GPAM: variants seen among roughly 807,000 people sequenced by gnomAD.
GPAM encodes glycerol-3-phosphate acyltransferase, mitochondrial.
Under a neutral mutation model 105.0 loss-of-function variants are expected in GPAM, and 56 were observed. The observed-to-expected ratio is 0.53, with a 90% CI of 0.43 to 0.67. The LOEUF (loss-of-function observed/expected upper bound fraction) is 0.67. GPAM is among the 30% of genes least tolerant of loss of function. GPAM has a pLI of 0.00. For missense variants in GPAM, 855 were observed against 989.8 expected, an observed-to-expected ratio of 0.86 and a Z score of 1.83; for synonymous variants, 368 against 354.4, an observed-to-expected ratio of 1.04 and a Z score of -0.43.
intron 21 of GPAM, 86 bp from the exon 22 acceptor site, chr10:112,153,752 G>A: frequency 1.3e-6 from 2 of 1,495,782 alleles, no homozygotes; most frequent in Non-Finnish European, 9.0e-7. Flanking sequence ...TGGTGTCCTA[G>A]ACCTCAGAAG....
intron 1 of GPAM, among the ~76,000 whole-genome samples, chr10:112,212,522 C>T (rs563746189): frequency 6.6e-6 from 1 of 152,282 alleles, no homozygotes; most frequent in African/African-American, 2.4e-5. Context: ...ATCGACCTCC[C>T]AAAGTGCGGG....
rs935218310 is a variant in GPAM at position 112,152,480 on chromosome 10, C to T, written c.*1070G>A. 9.1e-6 allele frequency: 9 copies of T among 985,136 alleles called. No homozygotes were observed. Among genetic ancestry groups the T allele is most frequent in the Middle Eastern group, 5.2e-4 (1 of 1,934 alleles). The allele number at this position is 985,136 out of a possible 1,614,324, so 61.0% of individuals were successfully genotyped here. The stretch of plus-strand genomic sequence containing the variant: ...CCATTACCAGTCAGTAGGGCCACCA[C>T]ATGCATATACTGGACAGGTTGTGCA... On this transcript the variant is annotated 3_prime_UTR_variant, in exon 22 of 22. Transcript: ENST00000348367.
chr10:112,202,213 A>G (rs1324166136), intron 1 of GPAM, among the ~76,000 whole-genome samples: 1 of 152,238 alleles, frequency 6.6e-6, no homozygotes, highest in Non-Finnish European at 1.5e-5. Flanking sequence ...ACCCTTTTGT[A>G]GCATAAAAGC....
At chr10:112,181,372 T>C (rs1847504402) in intron 3 of GPAM, among the ~76,000 whole-genome samples, 1 of 152,102 alleles carries the variant, frequency 6.6e-6, no homozygotes, top group Non-Finnish European at 1.5e-5. Flanking sequence ...GTATAACTCA[T>C]GGAAAGTACA....
intron 1 of GPAM, among the ~76,000 whole-genome samples, chr10:112,197,584 C>A (rs926425326): frequency 1.3e-5 from 2 of 149,102 alleles, no homozygotes; most frequent in African/African-American, 5.0e-5. Context: ...TGCGCTGCAC[C>A]CACTAACTCA....
At chr10:112,209,494 C>A (rs1281809294) in intron 1 of GPAM, among the ~76,000 whole-genome samples, 2 of 152,022 alleles carry the variant, frequency 1.3e-5, no homozygotes, top group African/African-American at 4.8e-5. Flanking sequence ...GCTGCCCCAT[C>A]CCTGGGGGAC....
intron 6 of GPAM, 32 bp from the exon 7 acceptor site, chr10:112,173,877 A>T: frequency 2.6e-6 from 4 of 1,553,534 alleles, no homozygotes; most frequent in Non-Finnish European, 3.6e-6. Flanking sequence ...AGACAATGTA[A>T]TTGTTTCTAT....
intron 18 of GPAM, 122 bp downstream of exon 18, chr10:112,158,194 G>A (rs2792738): frequency 2.6e-6 from 2 of 784,088 alleles, no homozygotes; most frequent in East Asian, 2.4e-5. Flanking sequence ...ACCTCCCAAA[G>A]TGCTGGGATT....
intron 1 of GPAM, among the ~76,000 whole-genome samples, chr10:112,211,015 A>G (rs7895593): frequency 0.18 from 27,789 of 152,256 alleles, 3,587 homozygotes; most frequent in African/African-American, 0.36. Context: ...CTGCCCAGGC[A>G]GGACGTGCAG....
chr10:112,167,567 A>G (rs1201242626), intron 11 of GPAM, among the ~76,000 whole-genome samples: 1 of 152,284 alleles, frequency 6.6e-6, no homozygotes, highest in African/African-American at 2.4e-5. Flanking sequence ...AACAATGTGG[A>G]TGAATCTCAC....
the GPAM span, among the ~76,000 whole-genome samples, chr10:112,220,439 C>CAT: frequency 6.6e-6 from 1 of 150,432 alleles, no homozygotes; most frequent in African/African-American, 2.5e-5. Context: ...GAGCCATACT[C>CAT]ATATATAACT....
chr10:112,152,547 C>T lies in GPAM; in HGVS notation c.*1003G>A. 1.0e-6 allele frequency: 1 copy of T among 985,366 alleles called. No individual in the cohort carries two copies. The highest frequency in any genetic ancestry group is 1.2e-6 in the Non-Finnish European group (1 of 829,878). 61.0% of individuals were successfully genotyped at this position (985,366 alleles called of 1,614,324 possible). A position where few individuals can be genotyped will look rare whatever the true frequency, so the allele number is the denominator to read the frequency against. Reference sequence around the variant, plus strand: ...GGTACCAGTCACCTGGACTGGGGTGCAGTACACAATCTGTGTGCAGTACAG... The same window carrying T: ...GGTACCAGTCACCTGGACTGGGGTGTAGTACACAATCTGTGTGCAGTACAG... On this transcript the variant is annotated 3_prime_UTR_variant, in exon 22 of 22. Transcript: ENST00000348367.
At chr10:112,217,921 A>G (rs1847986713), upstream of GPAM, among the ~76,000 whole-genome samples, 1 of 152,238 alleles carries the variant, frequency 6.6e-6, no homozygotes, top group Non-Finnish European at 1.5e-5. Context: ...GATCAAGAGA[A>G]AAAAAGAAAG....
At chr10:112,224,425 G>A in the GPAM span, among the ~76,000 whole-genome samples, 1 of 152,150 alleles carries the variant, frequency 6.6e-6, no homozygotes, top group Non-Finnish European at 1.5e-5. Context: ...GGCAGAAAAT[G>A]AGCTGAGCTT....
chr10:112,222,787 A>G, the GPAM span, among the ~76,000 whole-genome samples: 1 of 152,140 alleles, frequency 6.6e-6, no homozygotes, highest in African/African-American at 2.4e-5. Flanking sequence ...ATGTTCTCTC[A>G]GATCTCTGTA....
chr10:112,208,185 C>T (rs1847872308), intron 1 of GPAM, among the ~76,000 whole-genome samples: 1 of 152,140 alleles, frequency 6.6e-6, no homozygotes, highest in Non-Finnish European at 1.5e-5. Context: ...TAGAGAACCC[C>T]CAAGATTCGG....
At chr10:112,185,571 GACACACACAC>G (rs55812271), upstream of GPAM, among the ~76,000 whole-genome samples, 5,222 of 143,620 alleles carry the variant, frequency 0.036, 240 homozygotes, top group African/African-American at 0.11. Context: ...CACACACACA[GACACACACAC>G]ACACACACAC....
At chr10:112,196,522 G>C (rs1847726061) in intron 1 of GPAM, among the ~76,000 whole-genome samples, 1 of 152,120 alleles carries the variant, frequency 6.6e-6, no homozygotes, top group South Asian at 2.1e-4. Context: ...TTTCCCAAAA[G>C]AAAAGGCCTC....
chr10:112,179,217 T>C (rs1349535292), intron 4 of GPAM, among the ~76,000 whole-genome samples: 3 of 152,238 alleles, frequency 2.0e-5, no homozygotes, highest in East Asian at 1.9e-4. Context: ...GGTACTATAG[T>C]AGGGCAAAAA....
Sources: allele counts gnomAD v4.1 joint callset (sites outside exome capture counted in the v4.1 genomes callset), GRCh38; gene constraint gnomAD v4.1.1; transcripts MANE v1.5; gene names NCBI Gene and HGNC (gene_info 2026-07-23, HGNC 2026-07-21).